Variants in LARS1 observed in about 807,000 individuals in gnomAD.
LARS1 encodes leucyl-tRNA synthetase 1, also known as leucine--tRNA ligase, cytoplasmic.
LARS1 carries 100 observed loss-of-function variants against 162.8 expected under a neutral mutation model. The ratio of observed to expected loss-of-function variants is 0.61; its 90% CI spans 0.52 to 0.73. The LOEUF is 0.73. LARS1 is among the 30% of genes least tolerant of loss of function. The probability of loss-of-function intolerance (pLI) is 0.00; values close to 1 mark genes in which losing one functional copy is unlikely to be tolerated. For synonymous variants in LARS1, 457 were observed against 462.8 expected (o/e 0.99, Z 0.16); for missense variants, 1,258 against 1,408.9 (o/e 0.89, Z 1.71).
At chr5:146,162,622 T>C (rs1294046843) in intron 6 of LARS1, among the ~76,000 whole-genome samples, 1 of 152,194 alleles carries the variant, frequency 6.6e-6, no homozygotes, top group Non-Finnish European at 1.5e-5. Flanking sequence ...GTAGACACAT[T>C]AGCCTCTAAC....
At chr5:146,167,553 A>G (rs545535479) in intron 5 of LARS1, among the ~76,000 whole-genome samples, 165 of 151,972 alleles carry the variant, frequency 1.1e-3, no homozygotes, top group Non-Finnish European at 1.8e-3. Flanking sequence ...ACAGGCGCCC[A>G]CCACCACGCC....
intron 31 of LARS1, among the ~76,000 whole-genome samples, chr5:146,118,175 G>A (rs530839189): frequency 6.6e-6 from 1 of 152,276 alleles, no homozygotes; most frequent in South Asian, 2.1e-4. Flanking sequence ...GAAATATTAT[G>A]CAGACATAAA....
intron 31 of LARS1, among the ~76,000 whole-genome samples, chr5:146,118,896 T>TA (rs993611402): frequency 2.1e-4 from 32 of 152,242 alleles, no homozygotes; most frequent in Admixed American, 6.5e-4. Context: ...AATTAAAAAA[T>TA]ACACCTATAA....
At chr5:146,172,181 A>G (rs1376821314) in intron 3 of LARS1, among the ~76,000 whole-genome samples, 191 bp from the exon 4 acceptor site, 1 of 152,164 alleles carries the variant, frequency 6.6e-6, no homozygotes, top group Non-Finnish European at 1.5e-5. Context: ...AGACCCTTGC[A>G]CACATACACA....
intron 29 of LARS1, among the ~76,000 whole-genome samples, chr5:146,123,539 C>A (rs933680584): frequency 6.6e-6 from 1 of 151,594 alleles, no homozygotes; most frequent in African/African-American, 2.4e-5. Flanking sequence ...ATATCATGAA[C>A]CATAATATAT....
intron 31 of LARS1, among the ~76,000 whole-genome samples, chr5:146,119,774 ATATGAGCTT>A (rs1490998542): frequency 6.6e-6 from 1 of 152,174 alleles, no homozygotes; most frequent in African/African-American, 2.4e-5. Flanking sequence ...AGAAGAAAGA[ATATGAGCTT>A]TGGAGTCAAA....
intron 30 of LARS1, among the ~76,000 whole-genome samples, chr5:146,121,043 A>T (rs1751798846): frequency 6.6e-6 from 1 of 152,206 alleles, no homozygotes; most frequent in East Asian, 1.9e-4. Context: ...AAAGACTTAA[A>T]TACATAGTAT....
At chr5:146,134,058 G>A (rs1752406597) in intron 22 of LARS1, among the ~76,000 whole-genome samples, 1 of 152,088 alleles carries the variant, frequency 6.6e-6, no homozygotes. Flanking sequence ...TGGTCAGGCT[G>A]GTCTGAAACT....
intron 15 of LARS1, among the ~76,000 whole-genome samples, chr5:146,149,330 CAGAA>C (rs958727020): frequency 6.6e-6 from 1 of 152,084 alleles, no homozygotes; most frequent in African/African-American, 2.4e-5. Context: ...AGAAACACCA[CAGAA>C]AGAAAGGATT....
chr5:146,147,614 T>C (rs949769851), intron 15 of LARS1, among the ~76,000 whole-genome samples: 4 of 151,778 alleles, frequency 2.6e-5, no homozygotes, highest in Non-Finnish European at 4.4e-5. Context: ...TAAAAGCACA[T>C]AGTAAAGAAA....
chr5:146,121,829 TG>T (rs1259342451), intron 30 of LARS1, among the ~76,000 whole-genome samples: 1 of 151,358 alleles, frequency 6.6e-6, no homozygotes, highest in Non-Finnish European at 1.5e-5. Context: ...CCTGTCAGGG[TG>T]GGGTGGGCAA....
intron 3 of LARS1, 25 bp from the exon 4 acceptor site, chr5:146,172,015 A>AT: frequency 1.3e-6 from 2 of 1,577,096 alleles, no homozygotes; most frequent in Non-Finnish European, 1.7e-6. Flanking sequence ...TTAAATTTAA[A>AT]TTGCAAATTT....
intron 1 of LARS1, among the ~76,000 whole-genome samples, chr5:146,180,402 C>T (rs71594528): frequency 0.22 from 33,907 of 151,906 alleles, 4,852 homozygotes; most frequent in Admixed American, 0.34. Flanking sequence ...CGCATGGTGG[C>T]GCACACCTGT....
Position 146,126,478 on chromosome 5 carries a change from T to C in LARS1, c.2948A>G (p.Lys983Arg), listed in dbSNP as rs1752049488. 2 of 1,612,414 alleles carry C rather than the reference T, an allele frequency of 1.2e-6. No homozygotes were observed. Among genetic ancestry groups the C allele is most frequent in the African/African-American group, 2.7e-5 (2 of 74,978 alleles). The change falls in exon 28 of 32, where the codon AAG (lysine) becomes AGG (arginine). Residue 983 changes from lysine (K) to arginine (R), a missense_variant. Coordinates refer to ENST00000394434, the MANE Select transcript of LARS1 (RefSeq NM_020117.11). ...ASELGSMPEL[K>R]KYMKKVMPFV... ...TGGCATGACTTTCTTCATGTATTTCTTCAGTTCTGGCATACTGCCTAGTTC... is the reference window on the plus strand; with the variant it reads ...TGGCATGACTTTCTTCATGTATTTCCTCAGTTCTGGCATACTGCCTAGTTC...
chr5:146,159,073 G>A lies in LARS1; in HGVS notation c.771+334C>T, dbSNP rs575495772. 3.3e-5 allele frequency among the ~76,000 whole-genome samples: 5 copies of A among 151,634 alleles called. No individual in the cohort carries two copies. The South Asian group carries it at 1.0e-3, about 32-fold the overall frequency. ...ATAGCACCACTGCAGTCCGGTCTGG[G>A]CTAAAGAGCAAGACTCCGTCTGAAA... On this transcript the variant is annotated intron_variant, in intron 8 of 31. Coordinates refer to ENST00000394434, the MANE Select transcript of LARS1 (RefSeq NM_020117.11).
intron 27 of LARS1, among the ~76,000 whole-genome samples, chr5:146,127,969 T>C (rs1361137662): frequency 6.6e-6 from 1 of 152,162 alleles, no homozygotes; most frequent in Non-Finnish European, 1.5e-5. Context: ...GTATTTTGTC[T>C]CTCTTTTTAA....
intron 9 of LARS1, 26 bp downstream of exon 9, chr5:146,157,702 T>G: frequency 6.2e-7 from 1 of 1,613,596 alleles, no homozygotes; most frequent in Non-Finnish European, 8.5e-7. Flanking sequence ...TCAGAAATGA[T>G]AAAGCAATTA....
At chr5:146,121,768 T>C (rs1313365300) in intron 30 of LARS1, among the ~76,000 whole-genome samples, 1 of 151,664 alleles carries the variant, frequency 6.6e-6, no homozygotes, top group Non-Finnish European at 1.5e-5. Flanking sequence ...CAAGCTGGAG[T>C]TGAACAATGA....
Position 146,124,612 on chromosome 5 carries a change from T to C in LARS1, c.2992-526A>G, listed in dbSNP as rs1480771639. 2.0e-5 allele frequency among the ~76,000 whole-genome samples: 3 copies of C among 151,896 alleles called. No individual in the cohort carries two copies. In the East Asian group the frequency reaches 5.8e-4, roughly 29 times the overall value. On this transcript the variant is annotated intron_variant, in intron 28 of 31. Coordinates refer to ENST00000394434, the MANE Select transcript of LARS1 (RefSeq NM_020117.11). ...CTCATACTACATGAGTACTCAAACA[T>C]GGCATGTAAAAAATAATTTCTTATT... is the stretch of plus-strand genomic sequence containing the variant.
Sources: gnomAD v4.1 joint callset for allele counts (sites outside exome capture counted in the v4.1 genomes callset) on GRCh38, gnomAD v4.1.1 for gene constraint, MANE v1.5 for transcripts, NCBI Gene and HGNC (gene_info 2026-07-23, HGNC 2026-07-21) for gene names.